Variants in ATAD1 observed in about 807,000 individuals in gnomAD.
ATAD1 encodes the protein outer mitochondrial transmembrane helix translocase.
A neutral mutation model predicts 42.7 loss-of-function variants in ATAD1; 18 were observed. That is an observed-to-expected ratio of 0.42 (90% CI 0.29 to 0.63). The LOEUF (loss-of-function observed/expected upper bound fraction) is 0.63. Ranked by LOEUF, ATAD1 falls within the 20% of genes least tolerant of loss-of-function variation. The pLI, the probability that ATAD1 is intolerant of heterozygous loss-of-function variation, is 0.19. For missense variants in ATAD1, 294 were observed against 440.4 expected, an observed-to-expected ratio of 0.67 and a Z score of 2.98; for synonymous variants, 132 against 143.1, an observed-to-expected ratio of 0.92 and a Z score of 0.55.
chr10:87,836,875 T>TCAGACCCCACCC (rs1857939934), intron 1 of ATAD1, among the ~76,000 whole-genome samples: 1 of 152,228 alleles, frequency 6.6e-6, no homozygotes, highest in East Asian at 1.9e-4. Flanking sequence ...CCAATACTTT[T>TCAGACCCCACCC]TCTCTCCATT....
intron 2 of ATAD1, among the ~76,000 whole-genome samples, chr10:87,798,555 G>GT (rs147661158): frequency 0.054 from 7,622 of 141,060 alleles, 664 homozygotes; most frequent in African/African-American, 0.18. Flanking sequence ...GGTTTTTTGT[G>GT]TTTTTTTTTT....
At chr10:87,826,175 C>T (rs924676711) in intron 1 of ATAD1, among the ~76,000 whole-genome samples, 2 of 152,010 alleles carry the variant, frequency 1.3e-5, no homozygotes, top group Non-Finnish European at 2.9e-5. Context: ...ACAACAACAA[C>T]AAAGGGGAAA....
chr10:87,768,885 C>T (rs1259205808), intron 7 of ATAD1, among the ~76,000 whole-genome samples: 1 of 152,114 alleles, frequency 6.6e-6, no homozygotes, highest in Non-Finnish European at 1.5e-5. Context: ...GGAGTTGAGA[C>T]TAGCCTGGGC....
intron 1 of ATAD1, among the ~76,000 whole-genome samples, chr10:87,829,721 G>T (rs1589576212): frequency 6.6e-6 from 1 of 152,146 alleles, no homozygotes; most frequent in African/African-American, 2.4e-5. Flanking sequence ...AATAGCAAGA[G>T]AACTAAAATT....
At chr10:87,770,886 T>C in intron 7 of ATAD1, 66 bp downstream of exon 7, 1 of 1,411,728 alleles carries the variant, frequency 7.1e-7, no homozygotes, top group Non-Finnish European at 9.9e-7. Context: ...CTTCTTAAAA[T>C]TAAAGGTGAA....
intron 4 of ATAD1, among the ~76,000 whole-genome samples, chr10:87,786,263 T>C (rs1022191523): frequency 6.6e-6 from 1 of 152,214 alleles, no homozygotes; most frequent in African/African-American, 2.4e-5. Flanking sequence ...TCTTAAAAAC[T>C]AAATTTCAAG....
chr10:87,803,122 G>C (rs1856779176), intron 2 of ATAD1, among the ~76,000 whole-genome samples: 1 of 152,116 alleles, frequency 6.6e-6, no homozygotes, highest in Non-Finnish European at 1.5e-5. Context: ...AATTTTCCAG[G>C]ATTTGTTTTT....
intron 9 of ATAD1, among the ~76,000 whole-genome samples, chr10:87,755,839 T>C (rs183219707): frequency 6.9e-4 from 103 of 149,612 alleles, no homozygotes; most frequent in Admixed American, 1.5e-3. Flanking sequence ...GGGAGAGAGG[T>C]TGCAGTGAGC....
chr10:87,817,659 A>G (rs1238001258), intron 1 of ATAD1: 1 of 926,636 alleles, frequency 1.1e-6, no homozygotes, highest in Non-Finnish European at 1.3e-6. Context: ...AGCCTATGAC[A>G]ATGAAGGCCT....
rs34722647 is a variant in ATAD1 at position 87,791,030 on chromosome 10, C to CAAA, written c.262-603_262-601dup. ...TGAAACCCCGTCTCTACTAAAATTACAAAAAAAAAAAAAAAAAAAAAAAAA... is the reference window on the plus strand; with the variant it reads ...TGAAACCCCGTCTCTACTAAAATTACAAAAAAAAAAAAAAAAAAAAAAAAAAAA... On this transcript the variant is annotated intron_variant, in intron 3 of 9. Coordinates refer to ENST00000680024, the MANE Select transcript of ATAD1 (RefSeq NM_001321967.2). 8.2e-3 allele frequency among the ~76,000 whole-genome samples: 545 copies of CAAA among 66,238 alleles called. 5 individuals carry two copies. The highest frequency in any genetic ancestry group is 0.015 in the South Asian group (27 of 1,782). The allele number at this position is 66,238 out of a possible 152,430, so 43.5% of individuals were successfully genotyped here. A position where few individuals can be genotyped will look rare whatever the true frequency, so the allele number is the denominator to read the frequency against.
At chr10:87,763,640 T>C (rs1854600300) in intron 8 of ATAD1, among the ~76,000 whole-genome samples, 1 of 151,984 alleles carries the variant, frequency 6.6e-6, no homozygotes, top group African/African-American at 2.4e-5. Flanking sequence ...ATCACAGCAC[T>C]TTAGCCTGGG....
upstream of ATAD1, among the ~76,000 whole-genome samples, chr10:87,822,959 G>A (rs1220678416): frequency 1.3e-5 from 2 of 150,090 alleles, no homozygotes; most frequent in African/African-American, 4.9e-5. Flanking sequence ...TGAAAAAAAA[G>A]CTAAACTAAA....
chr10:87,790,284 T>G, intron 4 of ATAD1, 26 bp downstream of exon 4: 1 of 1,595,066 alleles, frequency 6.3e-7, no homozygotes, highest in South Asian at 1.2e-5. Context: ...TTTAATGCTT[T>G]AGGCGAATAT....
intron 8 of ATAD1, among the ~76,000 whole-genome samples, chr10:87,760,452 C>T (rs2131767218): frequency 6.6e-6 from 1 of 152,284 alleles, no homozygotes; most frequent in South Asian, 2.1e-4. Context: ...CCTGAGGCCT[C>T]CCAGCCATGC....
At chr10:87,814,634 G>A in intron 1 of ATAD1, 22 bp from the exon 2 acceptor site, 1 of 1,557,026 alleles carries the variant, frequency 6.4e-7, no homozygotes, top group Non-Finnish European at 8.7e-7. Context: ...AAACAGAAAT[G>A]TCACTAGGTA....
chr10:87,761,451 C>G (rs1441386575), intron 8 of ATAD1, among the ~76,000 whole-genome samples: 1 of 152,040 alleles, frequency 6.6e-6, no homozygotes, highest in Non-Finnish European at 1.5e-5. Context: ...CTCTTGAGCT[C>G]AGGAGTTCTA....
chr10:87,765,197 G>A (rs1854682516), intron 8 of ATAD1, among the ~76,000 whole-genome samples: 1 of 152,064 alleles, frequency 6.6e-6, no homozygotes, highest in East Asian at 1.9e-4. Context: ...GTAGTTCAAG[G>A]AAGGAGGGAA....
intron 6 of ATAD1, among the ~76,000 whole-genome samples, chr10:87,775,783 C>CCTA: frequency 6.6e-6 from 1 of 152,102 alleles, no homozygotes; most frequent in South Asian, 2.1e-4. Flanking sequence ...AGAGGAAAAG[C>CCTA]CTAGGATACA....
At chr10:87,765,174 C>A (rs1854680542) in intron 8 of ATAD1, among the ~76,000 whole-genome samples, 2 of 152,026 alleles carry the variant, frequency 1.3e-5, no homozygotes, top group African/African-American at 2.4e-5. Flanking sequence ...AAGAATTAGC[C>A]ATGGGGTTTC....
Sources: gnomAD v4.1 joint callset for allele counts (sites outside exome capture counted in the v4.1 genomes callset) on GRCh38, gnomAD v4.1.1 for gene constraint, MANE v1.5 for transcripts, NCBI Gene and HGNC (gene_info 2026-07-23, HGNC 2026-07-21) for gene names.